Variants in CDH13 observed in about 807,000 individuals in gnomAD.
The protein encoded by CDH13 is cadherin-13.
A neutral mutation model predicts 63.8 loss-of-function variants in CDH13; 24 were observed. The ratio of observed to expected loss-of-function variants is 0.38; its 90% CI spans 0.27 to 0.53. The LOEUF (loss-of-function observed/expected upper bound fraction) is 0.53, where lower values mean the gene tolerates loss of function less well. Ranked by LOEUF, CDH13 falls within the 20% of genes least tolerant of loss-of-function variation. CDH13 has a pLI of 0.85. For synonymous variants in CDH13, 503 were observed against 355.3 expected (o/e 1.42, Z -4.67); for missense variants, 1,049 against 903.1 (o/e 1.16, Z -2.07).
At chr16:83,737,896 T>C (rs1235210554) in intron 10 of CDH13, among the ~76,000 whole-genome samples, 1 of 152,238 alleles carries the variant, frequency 6.6e-6, no homozygotes, top group Non-Finnish European at 1.5e-5. Flanking sequence ...GGCAAGCTCC[T>C]AGACCACTCT....
chr16:83,236,611 C>T (rs1444902934), intron 5 of CDH13, among the ~76,000 whole-genome samples: 1 of 152,114 alleles, frequency 6.6e-6, no homozygotes, highest in African/African-American at 2.4e-5. Flanking sequence ...GAGACAGATT[C>T]TGGCATTAAC....
intron 2 of CDH13, among the ~76,000 whole-genome samples, chr16:82,931,282 T>C (rs2042482462): frequency 6.6e-6 from 1 of 152,228 alleles, no homozygotes; most frequent in African/African-American, 2.4e-5. Context: ...ATAATACTTT[T>C]TTGAAAGCGT....
intron 2 of CDH13, among the ~76,000 whole-genome samples, chr16:83,029,334 C>T (rs188677442): frequency 2.5e-4 from 38 of 152,234 alleles, no homozygotes; most frequent in African/African-American, 8.9e-4. Flanking sequence ...ATCTATGTAG[C>T]TGTTGTTACC....
chr16:82,909,840 T>C (rs2041772591), intron 2 of CDH13, among the ~76,000 whole-genome samples: 1 of 152,194 alleles, frequency 6.6e-6, no homozygotes, highest in South Asian at 2.1e-4. Flanking sequence ...ATATCATGTA[T>C]AGATGAGAAA....
chr16:82,992,768 T>G (rs763155115), intron 2 of CDH13, among the ~76,000 whole-genome samples: 35 of 152,192 alleles, frequency 2.3e-4, no homozygotes, highest in Non-Finnish European at 4.3e-4. Context: ...ATAAAGACCA[T>G]AATAAGTAGT....
intron 4 of CDH13, among the ~76,000 whole-genome samples, chr16:83,171,008 G>T (rs2037891770): frequency 6.6e-6 from 1 of 151,772 alleles, no homozygotes. Flanking sequence ...TTTTTTTTGA[G>T]GGAAGCTGTA....
intron 6 of CDH13, among the ~76,000 whole-genome samples, chr16:83,412,057 C>A (rs1312251829): frequency 1.3e-5 from 2 of 152,176 alleles, no homozygotes; most frequent in Non-Finnish European, 1.5e-5. Flanking sequence ...GCAAGGAGAG[C>A]CACAAGCTCA....
chr16:83,515,490 G>A (rs2074679640), intron 7 of CDH13, among the ~76,000 whole-genome samples: 1 of 152,204 alleles, frequency 6.6e-6, no homozygotes, highest in Admixed American at 6.5e-5. Context: ...CTGTAATCAG[G>A]AGAGAAACTT....
At chr16:83,256,875 C>G (rs1485702994) in intron 5 of CDH13, among the ~76,000 whole-genome samples, 5 of 150,478 alleles carry the variant, frequency 3.3e-5, no homozygotes, top group Non-Finnish European at 5.9e-5. Context: ...AAAATAGTTC[C>G]CAGGCCCCTG....
chr16:83,332,111 AT>A (rs2090493892), intron 5 of CDH13, among the ~76,000 whole-genome samples: 2 of 152,098 alleles, frequency 1.3e-5, no homozygotes, highest in Non-Finnish European at 2.9e-5. Flanking sequence ...TATTGTAACA[AT>A]TTTATAAATT....
chr16:83,367,032 A>G (rs184202898), intron 6 of CDH13, among the ~76,000 whole-genome samples: 7 of 152,202 alleles, frequency 4.6e-5, no homozygotes, highest in African/African-American at 1.4e-4. Context: ...TTTTTGGTCT[A>G]TTTATAAAGT....
At chr16:83,515,206 T>C (rs138975149) in intron 7 of CDH13, among the ~76,000 whole-genome samples, 40 of 152,352 alleles carry the variant, frequency 2.6e-4, no homozygotes, top group Non-Finnish European at 5.0e-4. Flanking sequence ...ATGCCTCAGC[T>C]GGGTGGTGGG....
At chr16:83,758,325 T>C (rs1913681795) in intron 11 of CDH13, among the ~76,000 whole-genome samples, 1 of 152,148 alleles carries the variant, frequency 6.6e-6, no homozygotes, top group African/African-American at 2.4e-5. Flanking sequence ...TTTTAAATTC[T>C]TAACAAAAAT....
At chr16:83,308,583 G>A (rs986663274) in intron 5 of CDH13, among the ~76,000 whole-genome samples, 5 of 152,198 alleles carry the variant, frequency 3.3e-5, no homozygotes, top group Admixed American at 3.3e-4. Context: ...ATTTTTAAAA[G>A]GCTTTATGAA....
At chr16:83,301,536 G>T (rs1327504132) in intron 5 of CDH13, among the ~76,000 whole-genome samples, 1 of 152,096 alleles carries the variant, frequency 6.6e-6, no homozygotes, top group African/African-American at 2.4e-5. Context: ...AGGGTCTCGT[G>T]GGGAGGGAGC....
chr16:83,165,420 C>A (rs953371284), intron 4 of CDH13, among the ~76,000 whole-genome samples: 2 of 152,114 alleles, frequency 1.3e-5, no homozygotes, highest in East Asian at 3.9e-4. Flanking sequence ...TTGCTTTTGA[C>A]CACAGCACCC....
intron 1 of CDH13, among the ~76,000 whole-genome samples, chr16:82,718,611 G>A (rs571926058): frequency 9.6e-4 from 146 of 152,278 alleles, no homozygotes; most frequent in African/African-American, 3.4e-3. Flanking sequence ...TTACAAAAGA[G>A]GTTTAACAGA....
intron 10 of CDH13, among the ~76,000 whole-genome samples, chr16:83,729,613 G>C (rs1287832715): frequency 1.3e-5 from 2 of 152,180 alleles, no homozygotes; most frequent in African/African-American, 4.8e-5. Flanking sequence ...CAGCTACTTA[G>C]TCCCTCACCA....
intron 3 of CDH13, among the ~76,000 whole-genome samples, chr16:83,043,490 AGTGTGTGTGTGTGTGTGTGT>A (rs67312035): frequency 2.1e-3 from 273 of 132,230 alleles, no homozygotes; most frequent in Middle Eastern, 0.011. Flanking sequence ...TGTATATATG[AGTGTGTGTGTGTGTGTGTGT>A]GTGTGTGTGT....
Sources: allele counts gnomAD v4.1 joint callset (sites outside exome capture counted in the v4.1 genomes callset), GRCh38; gene constraint gnomAD v4.1.1; transcripts MANE v1.5; gene names NCBI Gene and HGNC (gene_info 2026-07-23, HGNC 2026-07-21).